DOCK4: variants seen among roughly 807,000 people sequenced by gnomAD.
The protein encoded by DOCK4 is dedicator of cytokinesis protein 4.
Under a neutral mutation model 268.1 loss-of-function variants are expected in DOCK4, and 97 were observed. The observed-to-expected ratio is 0.36, with a 90% CI of 0.31 to 0.43. The LOEUF (loss-of-function observed/expected upper bound fraction) is 0.43. Ranked by LOEUF, DOCK4 falls within the 20% of genes least tolerant of loss-of-function variation. The probability of loss-of-function intolerance (pLI) is 1.00; values close to 1 mark genes in which losing one functional copy is unlikely to be tolerated. For synonymous variants in DOCK4, 954 were observed against 887.2 expected, an observed-to-expected ratio of 1.08 and a Z score of -1.34; for missense variants, 2,145 against 2,455.7, an observed-to-expected ratio of 0.87 and a Z score of 2.67.
chr7:111,895,948 A>G lies in DOCK4; in HGVS notation c.1481-230T>C, dbSNP rs1253303935. 3.9e-5 allele frequency among the ~76,000 whole-genome samples: 6 copies of G among 152,268 alleles called. No homozygotes were observed. The East Asian group carries it at 9.7e-4, about 25-fold the overall frequency. Reference sequence around the variant, plus strand: ...TTGCCTAATTTTCTTTATGGGAATCACTATCTGAAATTGCTTTTTAAAAAA... The same window carrying G: ...TTGCCTAATTTTCTTTATGGGAATCGCTATCTGAAATTGCTTTTTAAAAAA... On this transcript the variant is annotated intron_variant, in intron 15 of 52. Transcript: ENST00000428084.
chr7:111,829,871 T>C (rs1802684039), intron 26 of DOCK4, among the ~76,000 whole-genome samples: 1 of 152,190 alleles, frequency 6.6e-6, no homozygotes, highest in Non-Finnish European at 1.5e-5. Context: ...CTGACCAGAA[T>C]GATTTATAGT....
chr7:112,001,179 T>C (rs908614281), intron 2 of DOCK4, among the ~76,000 whole-genome samples: 2 of 152,210 alleles, frequency 1.3e-5, no homozygotes, highest in African/African-American at 4.8e-5. Context: ...TTTTATTCTG[T>C]AGAATGACTA....
chr7:111,765,397 A>G (rs541445060), intron 38 of DOCK4, among the ~76,000 whole-genome samples, 175 bp from the exon 39 acceptor site: 9 of 152,236 alleles, frequency 5.9e-5, no homozygotes, highest in Non-Finnish European at 1.2e-4. Context: ...AATTTCCTCT[A>G]TAAATGTCCA....
intron 42 of DOCK4, among the ~76,000 whole-genome samples, chr7:111,748,140 T>C (rs114892037): frequency 0.013 from 1,907 of 152,286 alleles, 49 homozygotes; most frequent in African/African-American, 0.044. Flanking sequence ...GCTATTGCCT[T>C]GAAGAGAAGG....
intron 1 of DOCK4, among the ~76,000 whole-genome samples, chr7:112,082,329 C>T (rs1808667106): frequency 6.6e-6 from 1 of 152,226 alleles, no homozygotes; most frequent in African/African-American, 2.4e-5. Context: ...ACCATGCCCC[C>T]ATTTGTGGGT....
At chr7:111,870,927 G>A (rs566266502) in intron 20 of DOCK4, among the ~76,000 whole-genome samples, 58 of 152,268 alleles carry the variant, frequency 3.8e-4, no homozygotes, top group Admixed American at 6.5e-4. Flanking sequence ...TGAGTGGGCC[G>A]ATGTTTCAAA....
chr7:111,861,780 A>T lies in DOCK4; in HGVS notation c.2473+1592T>A, dbSNP rs893674227. On this transcript the variant is annotated intron_variant, in intron 23 of 52. Coordinates refer to ENST00000428084, the MANE Select transcript of DOCK4 (RefSeq NM_001363540.2). The stretch of plus-strand genomic sequence containing the variant: ...AAAAAATAATAATAATAATATTAAT[A>T]AAAAAAACACTCCAAAGAGTGACAT... 1.1e-4 allele frequency among the ~76,000 whole-genome samples: 17 copies of T among 150,580 alleles called. 1 individual carries two copies. Among genetic ancestry groups the T allele is most frequent in the Middle Eastern group, 3.4e-3 (1 of 294 alleles).
At position 111,900,446 on chromosome 7, in the gene DOCK4, G is replaced by A; in HGVS notation, c.1408C>T (p.Leu470=). 1 of 1,613,448 alleles carries A rather than the reference G, an allele frequency of 6.2e-7. No homozygotes were observed. Among genetic ancestry groups the A allele is most frequent in the South Asian group, 1.1e-5 (1 of 90,818 alleles). ...TCCACAGGAATGGGAAGTTTCAGCA[G>A]TTCAGACCACCTGGGACTGTTGTTA... ...YHNNSPRWSE[L]LKLPIPVDKF... Residue 470 remains leucine, a synonymous_variant, in exon 15 of 53, where the codon CTG becomes TTG. Coordinates refer to ENST00000428084, the MANE Select transcript of DOCK4 (RefSeq NM_001363540.2).
At chr7:111,840,937 A>T (rs1423559570) in intron 25 of DOCK4, 4 of 844,724 alleles carry the variant, frequency 4.7e-6, no homozygotes, top group Admixed American at 2.3e-5. Flanking sequence ...TGTGAAAGAC[A>T]AGACCAGGGC....
Position 112,012,501 on chromosome 7 carries a change from A to G in DOCK4, c.38-8370T>C, listed in dbSNP as rs141484853. On this transcript the variant is annotated intron_variant, in intron 1 of 52. Coordinates refer to ENST00000428084, the MANE Select transcript of DOCK4 (RefSeq NM_001363540.2). ...GTATTATTTGTGCAAGGGACGATAG[A>G]CAGCACGAGGCAGGAAAAAATTACA... Among the ~76,000 whole-genome samples, 36 of 152,372 alleles carry G rather than the reference A, an allele frequency of 2.4e-4. No homozygotes were observed. The East Asian group carries it at 6.4e-3, about 27-fold the overall frequency.
intron 12 of DOCK4, among the ~76,000 whole-genome samples, chr7:111,934,841 G>A (rs1259103235): frequency 2.7e-5 from 4 of 150,666 alleles, no homozygotes; most frequent in Admixed American, 6.6e-5. Flanking sequence ...GCCCGGCCGC[G>A]AAGCATGTTT....
intron 7 of DOCK4, among the ~76,000 whole-genome samples, chr7:111,980,907 C>T (rs1278181642): frequency 1.3e-5 from 2 of 152,304 alleles, no homozygotes; most frequent in Non-Finnish European, 2.9e-5. Context: ...TAATAAGGCT[C>T]CCTTTATTTA....
chr7:112,204,906 CACAA>C (rs1006629240), intron 1 of DOCK4, among the ~76,000 whole-genome samples: 3 of 151,844 alleles, frequency 2.0e-5, no homozygotes, highest in Non-Finnish European at 4.4e-5. Context: ...CACACACACA[CACAA>C]AGTACACCAG....
intron 1 of DOCK4, among the ~76,000 whole-genome samples, chr7:112,172,795 G>A (rs1170766250): frequency 6.6e-6 from 1 of 152,236 alleles, no homozygotes; most frequent in African/African-American, 2.4e-5. Flanking sequence ...ATTTCTGGCA[G>A]TGAAGTTATA....
At chr7:111,837,808 T>C (rs910299763) in intron 25 of DOCK4, among the ~76,000 whole-genome samples, 38 of 152,092 alleles carry the variant, frequency 2.5e-4, no homozygotes, top group Non-Finnish European at 4.9e-4. Flanking sequence ...CAATTTTGGC[T>C]GGGCGTGGTG....
chr7:111,973,332 T>A (rs1797887236), intron 8 of DOCK4, among the ~76,000 whole-genome samples: 2 of 152,034 alleles, frequency 1.3e-5, no homozygotes, highest in South Asian at 4.1e-4. Context: ...TTACTTTTTG[T>A]AAATTATAGC....
At chr7:111,828,932 T>A (rs895567439) in intron 26 of DOCK4, among the ~76,000 whole-genome samples, 4 of 151,060 alleles carry the variant, frequency 2.6e-5, no homozygotes, top group African/African-American at 9.7e-5. Flanking sequence ...TACAAAATCA[T>A]CTACAAGGTT....
At chr7:111,989,989 C>A (rs575462559) in intron 5 of DOCK4, among the ~76,000 whole-genome samples, 2 of 152,316 alleles carry the variant, frequency 1.3e-5, no homozygotes, top group African/African-American at 4.8e-5. Context: ...TAGAGCCAAA[C>A]AACTTCAATC....
chr7:111,737,846 A>T (rs1249757513), intron 49 of DOCK4, among the ~76,000 whole-genome samples: 2 of 152,216 alleles, frequency 1.3e-5, no homozygotes, highest in African/African-American at 4.8e-5. Context: ...TTGCAGCATC[A>T]TCAAGTGACA....
Sources: allele counts gnomAD v4.1 joint callset (sites outside exome capture counted in the v4.1 genomes callset), GRCh38; gene constraint gnomAD v4.1.1; transcripts MANE v1.5; gene names NCBI Gene and HGNC (gene_info 2026-07-23, HGNC 2026-07-21).